CEP85: variants seen among roughly 807,000 people sequenced by gnomAD.
The protein encoded by CEP85 is centrosomal protein 85.
A neutral mutation model predicts 93.7 loss-of-function variants in CEP85; 58 were observed. The observed-to-expected ratio is 0.62, with a 90% CI of 0.50 to 0.77. The LOEUF (loss-of-function observed/expected upper bound fraction) is 0.77, where lower values mean the gene tolerates loss of function less well. Ranked by LOEUF, CEP85 falls within the 30% of genes least tolerant of loss-of-function variation. CEP85 has a pLI of 0.00. For synonymous variants in CEP85, 314 were observed against 338.6 expected (o/e 0.93, Z 0.80); for missense variants, 868 against 922.0 (o/e 0.94, Z 0.76).
intron 3 of CEP85, among the ~76,000 whole-genome samples, chr1:26,245,552 C>T (rs1348288530): frequency 6.6e-6 from 1 of 152,132 alleles, no homozygotes; most frequent in African/African-American, 2.4e-5. Context: ...TGTTTTCACA[C>T]TTAAGTATTG....
intron 1 of CEP85, among the ~76,000 whole-genome samples, chr1:26,235,305 C>T (rs1223902229): frequency 2.6e-5 from 4 of 152,166 alleles, no homozygotes; most frequent in African/African-American, 9.7e-5. Context: ...ATTTATTTGC[C>T]CTCAAACCTT....
At chr1:26,257,778 C>T (rs1457259866) in intron 5 of CEP85, 48 bp downstream of exon 5, 1 of 1,602,378 alleles carries the variant, frequency 6.2e-7, no homozygotes, top group Middle Eastern at 1.7e-4. Context: ...TCCCAGGCCC[C>T]ATTGAAGACA....
intron 12 of CEP85, 69 bp from the exon 13 acceptor site, chr1:26,276,466 A>G (rs1218556267): frequency 3.2e-6 from 4 of 1,252,712 alleles, no homozygotes; most frequent in Non-Finnish European, 3.5e-6. Flanking sequence ...CCACACCCAC[A>G]CACTCATGCA....
At chr1:26,253,454 A>T (rs1382615222) in intron 3 of CEP85, among the ~76,000 whole-genome samples, 1 of 145,474 alleles carries the variant, frequency 6.9e-6, no homozygotes, top group Non-Finnish European at 1.5e-5. Context: ...CAGTAGTGCG[A>T]TCCTGGCTCA....
intron 3 of CEP85, among the ~76,000 whole-genome samples, chr1:26,248,836 C>T (rs1207961823): frequency 1.4e-5 from 2 of 140,844 alleles, no homozygotes; most frequent in Admixed American, 7.5e-5. Flanking sequence ...ATGCCATTCT[C>T]CTGCCTCAGC....
chr1:26,248,891 T>G (rs960688782), intron 3 of CEP85, among the ~76,000 whole-genome samples: 2 of 151,600 alleles, frequency 1.3e-5, no homozygotes, highest in Non-Finnish European at 2.9e-5. Context: ...TACGCCCGGC[T>G]AATTTTTTGT....
At chr1:26,254,508 C>G (rs2124580511) in intron 3 of CEP85, 1 of 152,148 alleles carries the variant, frequency 6.6e-6, no homozygotes, top group East Asian at 1.9e-4. Flanking sequence ...CAGTGTGTAC[C>G]CAATTGAGAG....
At chr1:26,250,655 A>G (rs962786532) in intron 3 of CEP85, among the ~76,000 whole-genome samples, 2 of 152,186 alleles carry the variant, frequency 1.3e-5, no homozygotes, top group African/African-American at 4.8e-5. Context: ...AAATTAGAAA[A>G]GCCATATTCT....
chr1:26,252,362 G>C (rs936863307), intron 3 of CEP85, among the ~76,000 whole-genome samples: 2 of 151,794 alleles, frequency 1.3e-5, no homozygotes, highest in African/African-American at 2.4e-5. Flanking sequence ...GAGAAGCCCT[G>C]TCTCTACTAA....
chr1:26,266,847 C>T (rs942395487), intron 7 of CEP85, among the ~76,000 whole-genome samples: 7 of 152,176 alleles, frequency 4.6e-5, no homozygotes, highest in East Asian at 1.9e-4. Context: ...GGCCTTCTGC[C>T]GTGTGTTTAG....
At chr1:26,272,605 A>G (rs1208103501) in intron 11 of CEP85, among the ~76,000 whole-genome samples, 2 of 144,092 alleles carry the variant, frequency 1.4e-5, no homozygotes, top group Non-Finnish European at 3.0e-5. Flanking sequence ...GGTGGTGGGC[A>G]TCTATTACAG....
rs780700758 is a variant in CEP85 at position 26,275,063 on chromosome 1, G to A, written c.1894G>A (p.Val632Met). 3.9e-5 allele frequency: 61 copies of A among 1,568,866 alleles called. No individual in the cohort carries two copies. The highest frequency in any genetic ancestry group is 5.9e-5 in the South Asian group (5 of 85,070). ...AGCCCTGCAGCAGCTGCGCACAGCCGTGAAGGAGGTGAGCAACATTAGTCA... is the reference window on the plus strand; with the variant it reads ...AGCCCTGCAGCAGCTGCGCACAGCCATGAAGGAGGTGAGCAACATTAGTCA... The part of the protein sequence containing the change: ...DSALQQLRTA[V>M]KELSVQNQDL... The change falls in exon 12 of 14, where the codon GTG (valine) becomes ATG (methionine). Residue 632 changes from valine to methionine, a missense_variant. Coordinates refer to ENST00000451429, the MANE Select transcript of CEP85 (RefSeq NM_001319944.2).
intron 2 of CEP85, among the ~76,000 whole-genome samples, chr1:26,241,090 A>T (rs1478916839): frequency 6.6e-6 from 1 of 152,096 alleles, no homozygotes; most frequent in African/African-American, 2.4e-5. Flanking sequence ...AATTCAACTC[A>T]GGGTATGTTT....
intron 6 of CEP85, 114 bp downstream of exon 6, chr1:26,258,374 C>T: frequency 1.4e-6 from 1 of 720,546 alleles, no homozygotes; most frequent in East Asian, 2.5e-5. Context: ...TGTAAGTGTC[C>T]CTGCCCTCAA....
Position 26,278,527 on chromosome 1 carries a change from CTCTT to C in CEP85, c.*1239_*1242del, listed in dbSNP as rs1419368991. The C allele has an allele frequency of 2.6e-5, 4 of 152,644 alleles. No individual in the cohort carries two copies. The highest frequency in any genetic ancestry group is 6.5e-5 in the Admixed American group (1 of 15,288). 9.5% of individuals were successfully genotyped at this position (152,644 alleles called of 1,614,324 possible). On this transcript the variant is annotated 3_prime_UTR_variant, in exon 14 of 14. Transcript: ENST00000451429. ...ACCTCATGCCTGGGCCTGAATGAGG[CTCTT>C]TCTTAAGTGTTTTTACAAGTTTGTG...
At chr1:26,259,448 A>G (rs1274577463) in intron 6 of CEP85, among the ~76,000 whole-genome samples, 169 bp from the exon 7 acceptor site, 1 of 152,240 alleles carries the variant, frequency 6.6e-6, no homozygotes, top group Non-Finnish European at 1.5e-5. Flanking sequence ...AACAAATTAC[A>G]TCATCAGGTA....
chr1:26,265,687 AT>A (rs1438703168), intron 7 of CEP85, among the ~76,000 whole-genome samples: 1 of 152,040 alleles, frequency 6.6e-6, no homozygotes, highest in Non-Finnish European at 1.5e-5. Context: ...GGAGGAGCAG[AT>A]TTTCTTCCCT....
chr1:26,250,281 C>A (rs1034079916), intron 3 of CEP85, among the ~76,000 whole-genome samples: 20 of 152,312 alleles, frequency 1.3e-4, no homozygotes, highest in African/African-American at 4.6e-4. Context: ...GAGCTTGCGC[C>A]TTCTGTCAGA....
intron 2 of CEP85, among the ~76,000 whole-genome samples, chr1:26,241,959 C>T (rs892478649): frequency 2.0e-5 from 3 of 151,942 alleles, no homozygotes; most frequent in Non-Finnish European, 1.5e-5. Flanking sequence ...AGACGGGTTT[C>T]GCCATATGCC....
Sources: allele counts gnomAD v4.1 joint callset (sites outside exome capture counted in the v4.1 genomes callset), GRCh38; gene constraint gnomAD v4.1.1; transcripts MANE v1.5; gene names NCBI Gene and HGNC (gene_info 2026-07-23, HGNC 2026-07-21).